Variants in FAM227B observed in about 807,000 individuals in gnomAD.
The protein encoded by FAM227B is family with sequence similarity 227 member B.
A neutral mutation model predicts 73.8 loss-of-function variants in FAM227B; 88 were observed. The observed-to-expected ratio is 1.19, with a 90% CI of 1.00 to 1.42. FAM227B has a LOEUF of 1.42. Among genes scored for constraint, FAM227B ranks in the 40% most tolerant of loss-of-function variants. The probability of loss-of-function intolerance (pLI) is 0.00; values close to 1 mark genes in which losing one functional copy is unlikely to be tolerated. For missense variants in FAM227B, 632 were observed against 590.9 expected, an observed-to-expected ratio of 1.07 and a Z score of -0.72; for synonymous variants, 210 against 190.5, an observed-to-expected ratio of 1.10 and a Z score of -0.84.
intron 13 of FAM227B, among the ~76,000 whole-genome samples, chr15:49,352,995 A>C (rs1273081603): frequency 1.3e-5 from 2 of 152,224 alleles, no homozygotes; most frequent in Non-Finnish European, 1.5e-5. Context: ...TTAGGGGACT[A>C]TGCACAGACA....
At chr15:49,605,424 C>G (rs1418312820) in intron 3 of FAM227B, among the ~76,000 whole-genome samples, 1 of 152,226 alleles carries the variant, frequency 6.6e-6, no homozygotes, top group Admixed American at 6.5e-5. Flanking sequence ...CCTGGCACAG[C>G]AGTCCACTGG....
chr15:49,503,912 C>A (rs1404904781), intron 11 of FAM227B, among the ~76,000 whole-genome samples: 1 of 152,086 alleles, frequency 6.6e-6, no homozygotes, highest in Non-Finnish European at 1.5e-5. Context: ...TTGACCCAGC[C>A]ATCCCATTAC....
chr15:49,459,904 T>C (rs571931427), intron 11 of FAM227B, among the ~76,000 whole-genome samples: 1 of 152,298 alleles, frequency 6.6e-6, no homozygotes, highest in Non-Finnish European at 1.5e-5. Context: ...ACAATGTAAA[T>C]GGGCAAATGC....
At chr15:49,350,199 T>C (rs970964140) in intron 13 of FAM227B, among the ~76,000 whole-genome samples, 1 of 152,188 alleles carries the variant, frequency 6.6e-6, no homozygotes, top group Non-Finnish European at 1.5e-5. Context: ...ATGTCTGACA[T>C]TTGCATTGTC....
intron 10 of FAM227B, among the ~76,000 whole-genome samples, chr15:49,525,168 C>T (rs917421586): frequency 3.9e-5 from 6 of 151,982 alleles, no homozygotes; most frequent in Admixed American, 1.3e-4. Flanking sequence ...ACCCAAATCT[C>T]ATCTTGAATT....
chr15:49,542,393 AGTG>A (rs2071202041), intron 9 of FAM227B, among the ~76,000 whole-genome samples: 1 of 152,088 alleles, frequency 6.6e-6, no homozygotes, highest in Admixed American at 6.6e-5. Context: ...AAAGTTCTTC[AGTG>A]GTGATTTCTG....
chr15:49,395,194 T>C (rs1338312401), intron 11 of FAM227B, among the ~76,000 whole-genome samples: 3 of 152,188 alleles, frequency 2.0e-5, no homozygotes, highest in Non-Finnish European at 2.9e-5. Flanking sequence ...TTTTGGTAAA[T>C]AGTTACATGG....
At chr15:49,362,645 TTTTG>T (rs776234077) in intron 13 of FAM227B, among the ~76,000 whole-genome samples, 2 of 152,202 alleles carry the variant, frequency 1.3e-5, no homozygotes, top group African/African-American at 4.8e-5. Context: ...ATCTGTCAAT[TTTTG>T]TTTTTCTTGC....
chr15:49,492,084 A>G (rs2057161794), intron 11 of FAM227B, among the ~76,000 whole-genome samples: 2 of 151,878 alleles, frequency 1.3e-5, no homozygotes, highest in Non-Finnish European at 1.5e-5. Flanking sequence ...ATATATTGGC[A>G]AGTCCTTTAG....
intron 9 of FAM227B, among the ~76,000 whole-genome samples, chr15:49,560,293 A>G (rs1054370381): frequency 1.8e-4 from 28 of 152,178 alleles, no homozygotes; most frequent in African/African-American, 6.8e-4. Context: ...CTTGAAGATC[A>G]GTATTTTGAA....
rs371931468 is a variant in FAM227B, at chr15:49,358,081, C to T, written c.1271+9367G>A. Among the ~76,000 whole-genome samples the T allele has an allele frequency of 1.5e-3, 230 of 151,974 alleles. 6 individuals are homozygous for T. The South Asian group carries it at 0.028, about 18-fold the overall frequency. The stretch of plus-strand genomic sequence containing the variant: ...ATCAATAAATTAGGTATTGATGGGA[C>T]GTATTTCAAAATAATAAGAGCTATC... On this transcript the variant is annotated intron_variant, in intron 13 of 15. Coordinates refer to ENST00000299338, the MANE Select transcript of FAM227B (RefSeq NM_152647.3).
At chr15:49,345,094 G>A (rs1345302873) in intron 13 of FAM227B, among the ~76,000 whole-genome samples, 1 of 152,118 alleles carries the variant, frequency 6.6e-6, no homozygotes, top group Admixed American at 6.6e-5. Flanking sequence ...CAAAGTTATT[G>A]TGCTCTCTTG....
At chr15:49,548,531 G>A (rs2072300247) in intron 9 of FAM227B, among the ~76,000 whole-genome samples, 2 of 152,032 alleles carry the variant, frequency 1.3e-5, no homozygotes, top group South Asian at 4.2e-4. Context: ...AAATAATACT[G>A]CCTTGTAGAA....
intron 11 of FAM227B, among the ~76,000 whole-genome samples, chr15:49,506,254 C>T (rs2058575200): frequency 6.6e-6 from 1 of 151,882 alleles, no homozygotes; most frequent in Non-Finnish European, 1.5e-5. Flanking sequence ...AAAAGCAAGT[C>T]AGTATTGTAG....
intron 11 of FAM227B, among the ~76,000 whole-genome samples, chr15:49,427,933 G>C (rs1261898161): frequency 6.6e-6 from 1 of 151,910 alleles, no homozygotes; most frequent in Non-Finnish European, 1.5e-5. Flanking sequence ...AAGCTATCCT[G>C]GATTGTGAGG....
chr15:49,355,327 A>G (rs1182678361), intron 13 of FAM227B, among the ~76,000 whole-genome samples: 1 of 152,226 alleles, frequency 6.6e-6, no homozygotes, highest in East Asian at 1.9e-4. Context: ...AAGGCAAAGA[A>G]GTTGAAAACT....
chr15:49,591,748 A>C (rs144420279), intron 3 of FAM227B, among the ~76,000 whole-genome samples: 27,954 of 151,730 alleles, frequency 0.18, 3,162 homozygotes, highest in Non-Finnish European at 0.25. Context: ...GCCTCCCAAA[A>C]TGCTGCGATT....
At chr15:49,350,567 T>C (rs755687600) in intron 13 of FAM227B, among the ~76,000 whole-genome samples, 1 of 152,214 alleles carries the variant, frequency 6.6e-6, no homozygotes, top group Non-Finnish European at 1.5e-5. Flanking sequence ...CTGTCTTTTA[T>C]GGGCTAGTTC....
chr15:49,527,780 A>T (rs2060310706), intron 10 of FAM227B, among the ~76,000 whole-genome samples: 1 of 151,900 alleles, frequency 6.6e-6, no homozygotes, highest in Non-Finnish European at 1.5e-5. Flanking sequence ...TTAAATACCT[A>T]GGAATACATT....
Sources: allele counts gnomAD v4.1 joint callset (sites outside exome capture counted in the v4.1 genomes callset), GRCh38; gene constraint gnomAD v4.1.1; transcripts MANE v1.5; gene names NCBI Gene and HGNC (gene_info 2026-07-23, HGNC 2026-07-21).